Variants in ARHGAP4 observed in about 807,000 individuals in gnomAD.
ARHGAP4 encodes the protein rho GTPase-activating protein 4.
ARHGAP4 carries 25 observed loss-of-function variants against 67.6 expected under a neutral mutation model. The ratio of observed to expected loss-of-function variants is 0.37; its 90% CI spans 0.27 to 0.52. The LOEUF is 0.52. Ranked by LOEUF, ARHGAP4 falls within the 20% of genes least tolerant of loss-of-function variation. ARHGAP4 has a pLI of 0.92. For missense variants in ARHGAP4, 804 were observed against 854.6 expected (o/e 0.94, Z 0.74); for synonymous variants, 448 against 373.7 (o/e 1.20, Z -2.29).
Position 153,907,471 on chromosome X carries a change from T to A in ARHGAP4, c.*258A>T. 1 of 359,584 alleles carries A rather than the reference T, an allele frequency of 2.8e-6. No homozygotes were observed. Among genetic ancestry groups the A allele is most frequent in the Non-Finnish European group, 4.8e-6 (1 of 206,495 alleles). The allele number at this position is 359,584 out of a possible 1,213,427, so 29.6% of individuals were successfully genotyped here. ...CCACCCAGCAGCCACTGATCAGCCT[T>A]CCACAAAGCTGCAGAAGAGGGCTTT... On this transcript the variant is annotated 3_prime_UTR_variant, in exon 22 of 22. Transcript: ENST00000350060.
At position 153,909,517 on chromosome X, in the gene ARHGAP4, C is replaced by T; in HGVS notation, c.2433G>A (p.Val811=). 1 of 1,209,067 alleles carries T rather than the reference C, an allele frequency of 8.3e-7. No homozygotes were observed. The highest frequency in any genetic ancestry group is 1.8e-5 in the South Asian group (1 of 56,544). ...CCCCTGCAGTCTGCAGCCCTGCGCC[C>T]ACCACCTGCTTCTCCGTCCTGCGGT... ...TLPAGTEKQV[V]GAGLQTAGES... Residue 811 remains valine (V), a synonymous_variant, in exon 20 of 22, where the codon GTG becomes GTA. Coordinates refer to ENST00000350060, the MANE Select transcript of ARHGAP4 (RefSeq NM_001666.5).
chrX:153,925,714 G>A (rs1337768709), intron 1 of ARHGAP4, among the ~76,000 whole-genome samples: 6 of 111,872 alleles, frequency 5.4e-5, no homozygotes, highest in African/African-American at 2.0e-4. Context: ...GTGGGGTTAC[G>A]GCCAGGTGAT....
At chrX:153,922,500 A>T in intron 1 of ARHGAP4, 1 of 680,555 alleles carries the variant, frequency 1.5e-6, no homozygotes, top group Non-Finnish European at 1.7e-6. Flanking sequence ...CTGCAGAGAG[A>T]GTCACACCCA....
intron 7 of ARHGAP4, among the ~76,000 whole-genome samples, chrX:153,914,600 G>A (rs2065042720): frequency 8.9e-6 from 1 of 112,406 alleles, no homozygotes; most frequent in South Asian, 3.7e-4. Flanking sequence ...GGGAGGCTGA[G>A]GCAGGGGAAT....
chrX:153,925,044 T>C (rs1462441614), intron 1 of ARHGAP4, among the ~76,000 whole-genome samples: 2 of 111,518 alleles, frequency 1.8e-5, no homozygotes, highest in Admixed American at 1.9e-4. Context: ...CTGACCCATA[T>C]TTGCTGACTG....
In ARHGAP4 at chrX:153,922,752, T is replaced by C. The variant is rs193195419; in HGVS notation, c.68-943A>G. Reference sequence around the variant, plus strand: ...ATCCCCAGGGAGGGACATGAATTGATGTCTTCATTCAGCAGAATGTTGATT... The same window carrying C: ...ATCCCCAGGGAGGGACATGAATTGACGTCTTCATTCAGCAGAATGTTGATT... On this transcript the variant is annotated intron_variant, in intron 1 of 21. Coordinates refer to ENST00000350060, the MANE Select transcript of ARHGAP4 (RefSeq NM_001666.5). Among the ~76,000 whole-genome samples, 217 of 112,336 alleles carry C rather than the reference T, an allele frequency of 1.9e-3. 1 individual carries two copies. The highest frequency in any genetic ancestry group is 7.0e-3 in the African/African-American group (216 of 30,957).
At position 153,909,770 on chromosome X, in the gene ARHGAP4, G is replaced by A. The variant is rs782047856; in HGVS notation, c.2385C>T (p.Ile795=). ...CGGGCAGCGTGATATACTTGTGGGG[G>A]ATGAGGCCCCGCATGCCGTTGTGCT... The part of the protein sequence containing the change: ...RGEHNGMRGL[I]PHKYITLPAG... The change falls in exon 19 of 22, where the codon ATC becomes ATT. Residue 795 remains isoleucine, a synonymous_variant. Transcript: ENST00000350060. 8.3e-6 allele frequency: 10 copies of A among 1,199,643 alleles called. No individual in the cohort carries two copies. The highest frequency in any genetic ancestry group is 5.2e-5 in the African/African-American group (3 of 57,296).
Position 153,921,813 on chromosome X carries a change from TG to T in ARHGAP4, c.68-5del. On this transcript the variant is annotated splice_polypyrimidine_tract_variant and splice_region_variant and intron_variant, in intron 1 of 21. Transcript: ENST00000350060. The stretch of plus-strand genomic sequence containing the variant: ...TCGCTCAGCTGCCAGCGCATCTCTG[TG>T]GGGGGAACCATGGCTCAGGCCTGGT... 1 of 1,182,004 alleles carries T rather than the reference TG, an allele frequency of 8.5e-7. No individual in the cohort carries two copies. Among genetic ancestry groups the T allele is most frequent in the South Asian group, 1.9e-5 (1 of 54,010 alleles).
chrX:153,908,963 A>G, intron 21 of ARHGAP4, 107 bp downstream of exon 21: 2 of 827,125 alleles, frequency 2.4e-6, no homozygotes, highest in Non-Finnish European at 3.5e-6. Flanking sequence ...AGCTAAGGCC[A>G]GGGAGGGCAA....
At chrX:153,909,631 T>A (rs1557102254) in intron 19 of ARHGAP4, 96 bp from the exon 20 acceptor site, 1 of 1,087,816 alleles carries the variant, frequency 9.2e-7, no homozygotes, top group East Asian at 3.2e-5. Context: ...TCAGAGAGGC[T>A]CTGTTCTCTG....
At chrX:153,920,000 T>C (rs1013636277) in intron 5 of ARHGAP4, among the ~76,000 whole-genome samples, 21 of 111,251 alleles carry the variant, frequency 1.9e-4, no homozygotes, top group African/African-American at 6.2e-4. Flanking sequence ...TTGGCCACAC[T>C]GATCTTGAAC....
At chrX:153,922,558 G>T in intron 1 of ARHGAP4, 1 of 375,872 alleles carries the variant, frequency 2.7e-6, no homozygotes, top group Non-Finnish European at 3.4e-6. Flanking sequence ...GGCTTGATTT[G>T]GCAACGCTGC....
intron 21 of ARHGAP4, among the ~76,000 whole-genome samples, chrX:153,908,298 C>A (rs182690756): frequency 1.0e-3 from 117 of 112,239 alleles, no homozygotes; most frequent in African/African-American, 3.6e-3. Context: ...CAGTCAATGT[C>A]CTCCCATGGC....
At chrX:153,911,801 C>G (rs1014531394) in intron 12 of ARHGAP4, among the ~76,000 whole-genome samples, 1 of 110,467 alleles carries the variant, frequency 9.1e-6, no homozygotes, top group Non-Finnish European at 1.9e-5. Context: ...ACTTGGGAGG[C>G]TGAGGCATGA....
chrX:153,918,240 TGA>T (rs2065068390), intron 7 of ARHGAP4, among the ~76,000 whole-genome samples: 1 of 108,610 alleles, frequency 9.2e-6, no homozygotes, highest in Admixed American at 1.0e-4. Flanking sequence ...GTGGTGGCTG[TGA>T]GAGATGCTGG....
At chrX:153,921,573 T>C in intron 2 of ARHGAP4, 32 bp downstream of exon 2, 2 of 1,204,195 alleles carry the variant, frequency 1.7e-6, no homozygotes, top group Non-Finnish European at 2.2e-6. Context: ...GCTTGGGCCC[T>C]GCCGTGGCCC....
Position 153,909,892 on chromosome X carries a change from A to G in ARHGAP4, c.2263T>C (p.Phe755Leu). 1 of 1,204,538 alleles carries G rather than the reference A, an allele frequency of 8.3e-7. No individual in the cohort carries two copies. Among genetic ancestry groups the G allele is most frequent in the South Asian group, 1.8e-5 (1 of 56,018 alleles). Residue 755 changes from phenylalanine (F) to leucine (L), a missense_variant, in exon 19 of 22, where the codon TTT (phenylalanine) becomes CTT (leucine). Around this residue, in one of 2 missense-constraint regions of ARHGAP4, gnomAD observed 400 missense variants for 348.7 expected, o/e 1.15. Coordinates refer to ENST00000350060, the MANE Select transcript of ARHGAP4 (RefSeq NM_001666.5). Reference sequence around the variant, plus strand: ...TGGGCTGTGCGGCCCGTGTAGGCAAAGCAGGCCACAGCCTCCACGACCCCC... The same window carrying G: ...TGGGCTGTGCGGCCCGTGTAGGCAAGGCAGGCCACAGCCTCCACGACCCCC... ...LEGVVEAVACFAYTGRTAQEL... is the reference protein window; with the variant it reads ...LEGVVEAVACLAYTGRTAQEL...
chrX:153,925,891 T>C (rs1213968316), intron 1 of ARHGAP4, among the ~76,000 whole-genome samples: 2 of 112,538 alleles, frequency 1.8e-5, no homozygotes, highest in Non-Finnish European at 3.8e-5. Context: ...TGAGAAGCGG[T>C]AGACCCAAGG....
chrX:153,913,630 G>C, intron 8 of ARHGAP4, 30 bp from the exon 9 acceptor site: 1 of 1,186,611 alleles, frequency 8.4e-7, no homozygotes, highest in Non-Finnish European at 1.1e-6. Flanking sequence ...AGGGTGGTAA[G>C]AGGTGGGGGA....
Sources: gnomAD v4.1 joint callset for allele counts (sites outside exome capture counted in the v4.1 genomes callset) on GRCh38, gnomAD v4.1.1 for gene constraint, gnomAD v4.1.1 regional missense constraint, MANE v1.5 for transcripts, NCBI Gene and HGNC (gene_info 2026-07-23, HGNC 2026-07-21) for gene names.